AFG2A: variants seen among roughly 807,000 people sequenced by gnomAD.
The protein encoded by AFG2A is ATPase family gene 2 protein homolog A.
chr4:123,255,777 C>G, the AFG2A span, among the ~76,000 whole-genome samples: 1 of 143,224 alleles, frequency 7.0e-6, no homozygotes, highest in Admixed American at 7.3e-5. Flanking sequence ...ACCTCAGCAT[C>G]CCAAAGTGCT....
the AFG2A span, among the ~76,000 whole-genome samples, chr4:123,298,222 T>A: frequency 6.6e-6 from 1 of 152,148 alleles, no homozygotes; most frequent in Non-Finnish European, 1.5e-5. Flanking sequence ...TCTGTAGGGT[T>A]TTGATTACTG....
chr4:123,130,895 C>T, the AFG2A span, among the ~76,000 whole-genome samples: 3 of 151,994 alleles, frequency 2.0e-5, no homozygotes, highest in Non-Finnish European at 2.9e-5. Context: ...ATTCCAGGTG[C>T]CCTGCATACT....
chr4:123,051,811 GTGTATTGGAT>G, the AFG2A span, among the ~76,000 whole-genome samples: 1 of 151,972 alleles, frequency 6.6e-6, no homozygotes, highest in Non-Finnish European at 1.5e-5. Context: ...CTGCTGCCAA[GTGTATTGGAT>G]CTCCCTTATA....
the AFG2A span, among the ~76,000 whole-genome samples, chr4:123,084,543 G>T: frequency 7.1e-6 from 1 of 141,622 alleles, no homozygotes; most frequent in Non-Finnish European, 1.6e-5. Context: ...TATATTTATA[G>T]ATATATATCT....
chr4:122,983,215 A>T, the AFG2A span, among the ~76,000 whole-genome samples: 1 of 152,014 alleles, frequency 6.6e-6, no homozygotes, highest in Non-Finnish European at 1.5e-5. Context: ...AAGATTTGTC[A>T]ATTTTGCTTA....
chr4:123,189,654 C>G, the AFG2A span, among the ~76,000 whole-genome samples: 1 of 152,036 alleles, frequency 6.6e-6, no homozygotes, highest in African/African-American at 2.4e-5. Context: ...CTCCAGTTCC[C>G]TGACTTTGAC....
At chr4:123,313,835 G>T in the AFG2A span, 1 of 1,458,674 alleles carries the variant, frequency 6.9e-7, no homozygotes, top group Non-Finnish European at 9.2e-7. Context: ...GTTTCTAAAA[G>T]AGTACTGATT....
At chr4:123,213,568 T>G in the AFG2A span, among the ~76,000 whole-genome samples, 2 of 152,172 alleles carry the variant, frequency 1.3e-5, no homozygotes, top group Non-Finnish European at 2.9e-5. Context: ...AAATGAACCA[T>G]TAGTGAAGTC....
chr4:123,012,473 C>T, the AFG2A span, among the ~76,000 whole-genome samples: 41,971 of 151,914 alleles, frequency 0.28, 6,223 homozygotes, highest in South Asian at 0.45. Context: ...AGCAGGTGTC[C>T]CCACAATTGA....
chr4:123,047,703 T>C, the AFG2A span, among the ~76,000 whole-genome samples: 1 of 54,572 alleles, frequency 1.8e-5, no homozygotes, highest in South Asian at 3.7e-4. Context: ...GTTTAAGTGC[T>C]TTTTTTTTTT....
the AFG2A span, among the ~76,000 whole-genome samples, chr4:122,986,607 G>A: frequency 6.6e-6 from 1 of 152,056 alleles, no homozygotes; most frequent in South Asian, 2.1e-4. Flanking sequence ...AGAATGGGAG[G>A]GGGGTGAGGG....
At chr4:123,189,097 A>G in the AFG2A span, among the ~76,000 whole-genome samples, 2 of 152,168 alleles carry the variant, frequency 1.3e-5, no homozygotes, top group Non-Finnish European at 2.9e-5. Context: ...TTAATTTCTT[A>G]GTGCCAGTGC....
At chr4:122,995,955 A>G in the AFG2A span, among the ~76,000 whole-genome samples, 1 of 152,236 alleles carries the variant, frequency 6.6e-6, no homozygotes, top group African/African-American at 2.4e-5. Flanking sequence ...CTATATACAG[A>G]TATGAAGTAA....
At chr4:122,939,304 G>A in the AFG2A span, among the ~76,000 whole-genome samples, 2 of 151,638 alleles carry the variant, frequency 1.3e-5, no homozygotes, top group Non-Finnish European at 2.9e-5. Context: ...CTGGTCTCGA[G>A]CTCCTGACCT....
At chr4:122,950,191 T>C in the AFG2A span, among the ~76,000 whole-genome samples, 9 of 152,206 alleles carry the variant, frequency 5.9e-5, no homozygotes, top group East Asian at 1.7e-3. Context: ...CCAACTCCTA[T>C]AGGAGTTGTT....
the AFG2A span, among the ~76,000 whole-genome samples, chr4:123,232,122 A>G: frequency 6.6e-6 from 1 of 152,018 alleles, no homozygotes; most frequent in Non-Finnish European, 1.5e-5. Context: ...AATTTACAAT[A>G]TAATACATTG....
chr4:123,318,394 T>C, the AFG2A span: 1 of 152,186 alleles, frequency 6.6e-6, no homozygotes. Context: ...TTTTAGAACA[T>C]TATATCTTTA....
the AFG2A span, among the ~76,000 whole-genome samples, chr4:122,971,941 G>C: frequency 6.6e-6 from 1 of 151,946 alleles, no homozygotes; most frequent in African/African-American, 2.4e-5. Context: ...TAAGATATTT[G>C]CACCTATGTT....
chr4:123,013,561 A>C, the AFG2A span, among the ~76,000 whole-genome samples: 1 of 152,222 alleles, frequency 6.6e-6, no homozygotes, highest in Admixed American at 6.5e-5. Flanking sequence ...ACACATGGAC[A>C]CAGGGAGGGA....
Sources: allele counts gnomAD v4.1 joint callset (sites outside exome capture counted in the v4.1 genomes callset), GRCh38; gene constraint gnomAD v4.1.1; transcripts MANE v1.5; gene names NCBI Gene and HGNC (gene_info 2026-07-23, HGNC 2026-07-21).